POLI: variants seen among roughly 807,000 people sequenced by gnomAD.
The protein encoded by POLI is DNA polymerase iota, also known as RAD30 homolog B.
POLI carries 58 observed loss-of-function variants against 51.6 expected under a neutral mutation model. The ratio of observed to expected loss-of-function variants is 1.12; its 90% CI spans 0.91 to 1.40. POLI has a LOEUF of 1.40. POLI is among the 40% of genes most tolerant of loss of function. The pLI, the probability that POLI is intolerant of heterozygous loss-of-function variation, is 0.00. For missense variants in POLI, 921 were observed against 871.3 expected (o/e 1.06, Z -0.72); for synonymous variants, 322 against 299.7 (o/e 1.07, Z -0.77).
chr18:54,288,396 G>T (rs951458089), intron 8 of POLI, among the ~76,000 whole-genome samples: 1 of 152,012 alleles, frequency 6.6e-6, no homozygotes, highest in Non-Finnish European at 1.5e-5. Context: ...TTTTTTATGT[G>T]TGGTATACGG....
Position 54,293,734 on chromosome 18 carries a change from C to T in POLI, c.1490C>T (p.Thr497Ile), listed in dbSNP as rs2088140576. Residue 497 changes from threonine (T) to isoleucine (I), a missense_variant, in exon 10 of 10, where the codon ACA (threonine) becomes ATA (isoleucine). Transcript: ENST00000579534. ...CTACCAAGTGGAAGAATTGAAAGTACAAGAACTAGGGAGTCTCCACTAGAT... is the reference window on the plus strand; with the variant it reads ...CTACCAAGTGGAAGAATTGAAAGTATAAGAACTAGGGAGTCTCCACTAGAT... ...DFLPSGRIES[T>I]RTRESPLDTT... is the part of the protein sequence containing the mutation. The T allele has an allele frequency of 2.5e-6, 4 of 1,605,392 alleles. No homozygotes were observed. The highest frequency in any genetic ancestry group is 2.2e-5 in the East Asian group (1 of 44,728).
chr18:54,303,196 C>T (rs1402073028), downstream of POLI, among the ~76,000 whole-genome samples: 1 of 152,208 alleles, frequency 6.6e-6, no homozygotes, highest in Non-Finnish European at 1.5e-5. Flanking sequence ...CCCCAAGAGC[C>T]TAGAATCTGC....
chr18:54,315,921 ATT>A (rs1266399426), intron 3 of POLI, among the ~76,000 whole-genome samples: 1 of 143,330 alleles, frequency 7.0e-6, no homozygotes, highest in Admixed American at 6.9e-5. Context: ...CATTTTATGC[ATT>A]TTTTTTTTTT....
At chr18:54,304,728 G>A (rs1208572133) in intron 3 of POLI, among the ~76,000 whole-genome samples, 3 of 152,056 alleles carry the variant, frequency 2.0e-5, no homozygotes, top group Non-Finnish European at 4.4e-5. Context: ...TCACTCTGCT[G>A]ATAGTTTCTT....
Position 54,277,714 on chromosome 18 carries a change from G to T in POLI, c.418G>T (p.Glu140Ter). The change falls in exon 4 of 10, where the codon GAA becomes TAA. Residue 140 changes from glutamate to a stop codon, truncating the protein, a stop_gained. Transcript: ENST00000579534. LOFTEE classifies it high-confidence loss of function. ...TTATTTCAATTTAGAATTACTGGAA[G>T]AATTTAGTCCAGTTGTTGAGAGACT... ...MSYKVTELLE[E>*]FSPVVERLGF... The T allele has an allele frequency of 6.3e-7, 1 of 1,590,362 alleles. No homozygotes were observed. Among genetic ancestry groups the T allele is most frequent in the South Asian group, 1.1e-5 (1 of 89,206 alleles).
chr18:54,303,987 C>A (rs2088537547), intron 3 of POLI, among the ~76,000 whole-genome samples: 1 of 151,908 alleles, frequency 6.6e-6, no homozygotes, highest in Non-Finnish European at 1.5e-5. Context: ...GTTCAGTTCC[C>A]ACCTATGAGT....
At chr18:54,276,304 T>C (rs1342080550) in intron 3 of POLI, among the ~76,000 whole-genome samples, 1 of 152,022 alleles carries the variant, frequency 6.6e-6, no homozygotes, top group Admixed American at 6.6e-5. Flanking sequence ...AAGGCTGTAC[T>C]GAGCTGTGGT....
rs2088424668 is a variant in POLI at position 54,298,193 on chromosome 18, C to T, written c.*3726C>T. ...ACATGTTAATGAGTAATTGTAACAACTATGTAACTGTCCAAGTCAAGAAAT... is the reference window on the plus strand; with the variant it reads ...ACATGTTAATGAGTAATTGTAACAATTATGTAACTGTCCAAGTCAAGAAAT... On this transcript the variant is annotated 3_prime_UTR_variant, in exon 10 of 10. Transcript: ENST00000579534. 3.3e-6 allele frequency: 1 copy of T among 303,764 alleles called. No homozygotes were observed. The allele number at this position is 303,764 out of a possible 1,614,324, so 18.8% of individuals were successfully genotyped here.
At chr18:54,313,725 G>A (rs2088698490) in intron 3 of POLI, among the ~76,000 whole-genome samples, 1 of 152,100 alleles carries the variant, frequency 6.6e-6, no homozygotes, top group South Asian at 2.1e-4. Context: ...TATTGTGAAT[G>A]GGATTGTGTT....
At chr18:54,301,534 T>C (rs1196756691), downstream of POLI, among the ~76,000 whole-genome samples, 2 of 152,170 alleles carry the variant, frequency 1.3e-5, no homozygotes, top group Non-Finnish European at 2.9e-5. Context: ...TACATTGGAT[T>C]TTACATTGTG....
Position 54,287,244 on chromosome 18 carries a change from T to C in POLI, c.1068-37T>C, listed in dbSNP as rs1013848768. The C allele has an allele frequency of 5.5e-6, 8 of 1,446,110 alleles. No individual in the cohort carries two copies. The African/African-American group carries it at 9.9e-5, about 18-fold the overall frequency. The allele number at this position is 1,446,110 out of a possible 1,614,324, so 89.6% of individuals were successfully genotyped here. On this transcript the variant is annotated intron_variant, in intron 7 of 9. Transcript: ENST00000579534. ...TACATAATTTAAAAAGGTAATACTTTTCTAATTCCTTATTTCCACTTTCTC... is the reference window on the plus strand; with the variant it reads ...TACATAATTTAAAAAGGTAATACTTCTCTAATTCCTTATTTCCACTTTCTC...
Position 54,295,147 on chromosome 18 carries a change from G to C in POLI, c.*680G>C. 1.0e-6 allele frequency: 1 copy of C among 984,918 alleles called. No individual in the cohort carries two copies. Among genetic ancestry groups the C allele is most frequent in the Non-Finnish European group, 1.2e-6 (1 of 829,754 alleles). The allele number at this position is 984,918 out of a possible 1,614,324, so 61.0% of individuals were successfully genotyped here. ...AGAACAGTGGTAGAAGGAACTCTCC[G>C]TGCAAGTAAATTAAGGGAAAGATGG... On this transcript the variant is annotated 3_prime_UTR_variant, in exon 10 of 10. Coordinates refer to ENST00000579534, the MANE Select transcript of POLI (RefSeq NM_007195.3).
chr18:54,297,785 A>C lies in POLI; in HGVS notation c.*3318A>C, dbSNP rs1599262821. 2 of 960,556 alleles carry C rather than the reference A, an allele frequency of 2.1e-6. No homozygotes were observed. Among genetic ancestry groups the C allele is most frequent in the East Asian group, 2.3e-4 (2 of 8,754 alleles). The allele number at this position is 960,556 out of a possible 1,614,324, so 59.5% of individuals were successfully genotyped here. ...ATAACATTAATTCTAATTAAATTCC[A>C]CAAGTTCTTTATTAAATCTCCAAAT... On this transcript the variant is annotated 3_prime_UTR_variant, in exon 10 of 10. Coordinates refer to ENST00000579534, the MANE Select transcript of POLI (RefSeq NM_007195.3).
chr18:54,271,533 C>T, intron 2 of POLI, 48 bp downstream of exon 2: 1 of 1,283,510 alleles, frequency 7.8e-7, no homozygotes, highest in South Asian at 1.3e-5. Flanking sequence ...ATTAGATTAG[C>T]AACTCATCAT....
intron 8 of POLI, among the ~76,000 whole-genome samples, chr18:54,287,934 A>G (rs2087823606): frequency 6.6e-6 from 1 of 152,216 alleles, no homozygotes; most frequent in Non-Finnish European, 1.5e-5. Context: ...AACTGTGATA[A>G]CTGTATAGCA....
chr18:54,295,304 T>A lies in POLI; in HGVS notation c.*837T>A. ...ATCTTCCCTACATTTGGAGATGATA[T>A]TAGGTTGTCATAACAACCACAAATA... On this transcript the variant is annotated 3_prime_UTR_variant, in exon 10 of 10. Coordinates refer to ENST00000579534, the MANE Select transcript of POLI (RefSeq NM_007195.3). The A allele has an allele frequency of 1.0e-6, 1 of 984,590 alleles. No homozygotes were observed. The highest frequency in any genetic ancestry group is 1.2e-6 in the Non-Finnish European group (1 of 829,144). The allele number at this position is 984,590 out of a possible 1,614,324, so 61.0% of individuals were successfully genotyped here. A position where few individuals can be genotyped will look rare whatever the true frequency, so the allele number is the denominator to read the frequency against.
chr18:54,311,995 G>A lies in POLI; in HGVS notation c.334-8278G>A, dbSNP rs142903172. On this transcript the variant is annotated intron_variant, in intron 3 of 4. Transcript: ENST00000579823. ...AATTGAGGGATACGTGTGCAGGTTT[G>A]TTACAGAGATATATTGCATGATGCT... Among the ~76,000 whole-genome samples the A allele has an allele frequency of 2.0e-5, 3 of 152,242 alleles. No individual in the cohort carries two copies. The East Asian group carries it at 5.8e-4, about 29-fold the overall frequency.
chr18:54,291,244 A>G (rs2087998078), intron 8 of POLI: 2 of 152,198 alleles, frequency 1.3e-5, no homozygotes, highest in African/African-American at 2.4e-5. Flanking sequence ...CACCCGAACC[A>G]CGACTGAAGC....
rs563899785 is a variant in POLI, at chr18:54,279,786, T to C, written c.560-881T>C. Among the ~76,000 whole-genome samples the C allele has an allele frequency of 9.8e-5, 15 of 152,348 alleles. No homozygotes were observed. In the South Asian group the frequency reaches 3.1e-3, roughly 32 times the overall value. ...TTTTTATATAATTTTCTTACACTTT[T>C]CATAAAAGAGCTCTAAAACTGTGTA... On this transcript the variant is annotated intron_variant, in intron 4 of 9. Coordinates refer to ENST00000579534, the MANE Select transcript of POLI (RefSeq NM_007195.3).
Sources: allele counts gnomAD v4.1 joint callset (sites outside exome capture counted in the v4.1 genomes callset), GRCh38; gene constraint gnomAD v4.1.1; transcripts MANE v1.5; gene names NCBI Gene and HGNC (gene_info 2026-07-23, HGNC 2026-07-21).